The following SCN1A variants were observed in gnomAD, a reference collection of about 807,000 sequenced individuals.
SCN1A encodes the protein sodium channel protein type 1 subunit alpha.
SCN1A carries 13 observed loss-of-function variants against 193.7 expected under a neutral mutation model. The observed-to-expected ratio is 0.07, with a 90% CI of 0.04 to 0.11. The LOEUF is 0.11. Among genes scored for constraint, SCN1A ranks in the 10% least tolerant of loss-of-function variants. The probability of loss-of-function intolerance (pLI) is 1.00; values close to 1 mark genes in which losing one functional copy is unlikely to be tolerated. For missense variants in SCN1A, 1,432 were observed against 2,451.1 expected (o/e 0.58, Z 8.78); for synonymous variants, 781 against 843.6 (o/e 0.93, Z 1.29).
At chr2:166,076,272 A>G (rs1041146074) in intron 3 of SCN1A, among the ~76,000 whole-genome samples, 1 of 151,970 alleles carries the variant, frequency 6.6e-6, no homozygotes, top group Admixed American at 6.6e-5. Context: ...ATACACACAC[A>G]TGCATCTGTA....
upstream of SCN1A, among the ~76,000 whole-genome samples, chr2:166,132,915 T>A (rs59077819): frequency 7.2e-3 from 1,086 of 151,852 alleles, 18 homozygotes; most frequent in African/African-American, 0.025. Context: ...TTAAATCACT[T>A]GTAATATAAT....
At chr2:166,053,050 G>C in intron 7 of SCN1A, 107 bp from the exon 8 acceptor site, 1 of 1,416,134 alleles carries the variant, frequency 7.1e-7, no homozygotes. Context: ...TGGAATTACC[G>C]AAATAGTTTT....
chr2:166,015,820 ATTC>A (rs1693217937), intron 19 of SCN1A, 93 bp from the exon 20 acceptor site: 1 of 1,407,536 alleles, frequency 7.1e-7, no homozygotes, highest in Non-Finnish European at 1.0e-6. Context: ...TTTGTTTTTT[ATTC>A]TTCTTGAGGT....
chr2:166,103,770 CCCAGTG>C (rs1283927729), intron 2 of SCN1A, among the ~76,000 whole-genome samples: 27 of 152,150 alleles, frequency 1.8e-4, no homozygotes, highest in Non-Finnish European at 3.7e-4. Context: ...AAAGCATCTA[CCCAGTG>C]CCAAGAACTG....
In SCN1A at chr2:166,015,645, G is replaced by A. The variant is rs1559152754; in HGVS notation, c.3512C>T (p.Pro1171Leu). The change falls in exon 20 of 29, where the codon CCT becomes CTT. Residue 1171 changes from proline (P) to leucine (L), a missense_variant. Transcript: ENST00000674923. ...AGCTTCTGGTTCAAGAGTTTCTTCA[G>A]GTTCCACTACGGGCTGTTCTTCTAC... ...APVEEQPVVE[P>L]EETLEPEACF... 1 of 1,612,826 alleles carries A rather than the reference G, an allele frequency of 6.2e-7. No homozygotes were observed. Among genetic ancestry groups the A allele is most frequent in the Non-Finnish European group, 8.5e-7 (1 of 1,179,036 alleles).
intron 22 of SCN1A, among the ~76,000 whole-genome samples, chr2:166,010,119 GT>G (rs1233105251): frequency 6.7e-6 from 1 of 150,242 alleles, no homozygotes; most frequent in African/African-American, 2.4e-5. Flanking sequence ...GTAAAAATTA[GT>G]AAAATAAAAG....
chr2:166,033,265 T>C (rs1695873208), intron 19 of SCN1A, among the ~76,000 whole-genome samples: 1 of 152,196 alleles, frequency 6.6e-6, no homozygotes, highest in Admixed American at 6.5e-5. Context: ...TTTCTGAAGC[T>C]TAAGAACTCC....
At chr2:166,013,976 C>A in intron 20 of SCN1A, 78 bp from the exon 21 acceptor site, 18 of 1,506,310 alleles carry the variant, frequency 1.2e-5, no homozygotes, top group Non-Finnish European at 1.6e-5. Flanking sequence ...CTTGTCTTGT[C>A]TTTTTATTAC....
At chr2:166,042,453 CAATT>C in intron 14 of SCN1A, 29 bp from the exon 15 acceptor site, 3 of 1,610,086 alleles carry the variant, frequency 1.9e-6, no homozygotes, top group Middle Eastern at 1.7e-4. Context: ...ATGCATTAAA[CAATT>C]AATTTGAGCA....
chr2:166,050,907 A>C (rs1055955006), intron 9 of SCN1A, among the ~76,000 whole-genome samples: 23 of 151,970 alleles, frequency 1.5e-4, no homozygotes, highest in African/African-American at 5.5e-4. Context: ...AAGGTAATAA[A>C]ATAATCTATT....
At chr2:166,096,740 G>A (rs1687428922) in intron 2 of SCN1A, among the ~76,000 whole-genome samples, 1 of 152,030 alleles carries the variant, frequency 6.6e-6, no homozygotes, top group Non-Finnish European at 1.5e-5. Context: ...CTTTTCACAA[G>A]GTCATAGTAA....
At chr2:166,030,849 T>C (rs1464644549) in intron 19 of SCN1A, among the ~76,000 whole-genome samples, 3 of 152,086 alleles carry the variant, frequency 2.0e-5, no homozygotes, top group Non-Finnish European at 4.4e-5. Flanking sequence ...TGTTATAAAA[T>C]ACTATCCAAA....
chr2:166,016,927 G>A (rs922697796), intron 19 of SCN1A, among the ~76,000 whole-genome samples: 10 of 151,176 alleles, frequency 6.6e-5, no homozygotes, highest in Admixed American at 4.0e-4. Context: ...ACATACATAG[G>A]AGAGTGTTGA....
At chr2:166,020,344 T>G (rs1693884230) in intron 19 of SCN1A, among the ~76,000 whole-genome samples, 1 of 152,236 alleles carries the variant, frequency 6.6e-6, no homozygotes, top group Admixed American at 6.5e-5. Context: ...GCATATATTT[T>G]ATTATAACTT....
chr2:166,110,085 T>C (rs1689132655), intron 2 of SCN1A, among the ~76,000 whole-genome samples: 1 of 152,118 alleles, frequency 6.6e-6, no homozygotes, highest in Non-Finnish European at 1.5e-5. Context: ...CCATTTACTC[T>C]CATGTGATTA....
At chr2:166,048,769 T>C in intron 10 of SCN1A, 117 bp downstream of exon 10, 2 of 721,886 alleles carry the variant, frequency 2.8e-6, no homozygotes, top group East Asian at 2.7e-5. Context: ...ATATAGCAAA[T>C]TAATGTCAAT....
Position 166,045,035 on chromosome 2 carries a change from T to C in SCN1A, c.1662+8A>G. On this transcript the variant is annotated splice_region_variant and intron_variant, in intron 13 of 28. Transcript: ENST00000674923. ...AACCATGCATCAGTAAACTCAGCAG[T>C]GCCATACCTGGTGTGGGGAGGAGTA... is the stretch of plus-strand genomic sequence containing the variant. 1.2e-6 allele frequency: 2 copies of C among 1,614,066 alleles called. No homozygotes were observed. The highest frequency in any genetic ancestry group is 1.7e-6 in the Non-Finnish European group (2 of 1,179,908).
intron 19 of SCN1A, among the ~76,000 whole-genome samples, chr2:166,033,192 A>T (rs772968222): frequency 1.2e-4 from 18 of 152,150 alleles, no homozygotes; most frequent in Non-Finnish European, 1.5e-4. Context: ...AAAAGAAAGC[A>T]ATCTGTTCTG....
At chr2:166,078,334 G>A (rs7573279) in intron 2 of SCN1A, among the ~76,000 whole-genome samples, 11,645 of 151,278 alleles carry the variant, frequency 0.077, 1,214 homozygotes, top group African/African-American at 0.24. Context: ...TTTGAACTGC[G>A]TTTAATTTGT....
Sources: allele counts gnomAD v4.1 joint callset (sites outside exome capture counted in the v4.1 genomes callset), GRCh38; gene constraint gnomAD v4.1.1; transcripts MANE v1.5; gene names NCBI Gene and HGNC (gene_info 2026-07-23, HGNC 2026-07-21).